COL28A1: variants seen among roughly 807,000 people sequenced by gnomAD.
The protein encoded by COL28A1 is collagen type XXVIII alpha 1 chain.
In COL28A1, 161 loss-of-function variants were observed where a neutral mutation model predicts 150.2. The observed-to-expected ratio is 1.07, with a 90% confidence interval of 0.94 to 1.22. The LOEUF (loss-of-function observed/expected upper bound fraction) is 1.22, where lower values mean the gene tolerates loss of function less well. Among genes scored for constraint, COL28A1 ranks in the 50% most tolerant of loss-of-function variants. COL28A1 has a pLI of 0.00. For synonymous variants in COL28A1, 552 were observed against 469.7 expected, an observed-to-expected ratio of 1.18 and a Z score of -2.26; for missense variants, 1,617 against 1,388.3, an observed-to-expected ratio of 1.16 and a Z score of -2.62.
chr7:7,459,817 A>G (rs188299019), intron 15 of COL28A1, among the ~76,000 whole-genome samples: 2 of 152,264 alleles, frequency 1.3e-5, no homozygotes, highest in African/African-American at 4.8e-5. Context: ...CAAATCATCA[A>G]GATCAAACAA....
intron 15 of COL28A1, among the ~76,000 whole-genome samples, chr7:7,456,781 G>T (rs997973880): frequency 5.9e-5 from 9 of 152,130 alleles, no homozygotes; most frequent in Admixed American, 3.9e-4. Context: ...GTCCTCCATT[G>T]AGCTTAGATT....
At chr7:7,502,461 C>T (rs1780586928) in intron 11 of COL28A1, among the ~76,000 whole-genome samples, 1 of 152,044 alleles carries the variant, frequency 6.6e-6, no homozygotes, top group African/African-American at 2.4e-5. Flanking sequence ...TTTCTGAAAA[C>T]CCTTTAATGA....
At chr7:7,485,579 A>G (rs185683227) in intron 13 of COL28A1, among the ~76,000 whole-genome samples, 127 of 152,298 alleles carry the variant, frequency 8.3e-4, no homozygotes, top group African/African-American at 2.9e-3. Flanking sequence ...TTATTCTAAA[A>G]GTTTTATAGT....
Position 7,443,643 on chromosome 7 carries a change from C to T in COL28A1, c.1592G>A (p.Gly531Glu), listed in dbSNP as rs1203930951. The T allele has an allele frequency of 6.2e-7, 1 of 1,614,008 alleles. No individual in the cohort carries two copies. The highest frequency in any genetic ancestry group is 8.5e-7 in the Non-Finnish European group (1 of 1,179,978). The change falls in exon 20 of 35, where the codon GGG (glycine) becomes GAG (glutamate). Residue 531 changes from glycine (G) to glutamate (E), a missense_variant. By Grantham distance (98) the Gly-to-Glu change is moderately conservative. Transcript: ENST00000399429. ...DGAAGKKGEA[G>E]LPGARGPEGP... ...TTCTGGGCCTCTTGCTCCCGGAAGCCCCGCTTCTCCCTAGAGAAAATGACA... is the reference window on the plus strand; with the variant it reads ...TTCTGGGCCTCTTGCTCCCGGAAGCTCCGCTTCTCCCTAGAGAAAATGACA...
intron 11 of COL28A1, among the ~76,000 whole-genome samples, chr7:7,492,927 G>A (rs1410268903): frequency 6.7e-6 from 1 of 149,250 alleles, no homozygotes; most frequent in Non-Finnish European, 1.5e-5. Flanking sequence ...CATTTTACAT[G>A]TTTTTAGCCA....
At chr7:7,507,712 CTT>C (rs932312295) in intron 9 of COL28A1, among the ~76,000 whole-genome samples, 2 of 146,658 alleles carry the variant, frequency 1.4e-5, no homozygotes, top group Admixed American at 6.8e-5. Context: ...CAGATTTCCA[CTT>C]TTTTTTTTTG....
chr7:7,449,751 A>C (rs1331609439), intron 18 of COL28A1, among the ~76,000 whole-genome samples: 1 of 152,078 alleles, frequency 6.6e-6, no homozygotes, highest in Non-Finnish European at 1.5e-5. Flanking sequence ...ATAGAAAAAA[A>C]ATTCACAATT....
intron 20 of COL28A1, 64 bp from the exon 21 acceptor site, chr7:7,440,925 A>G: frequency 1.2e-6 from 1 of 818,782 alleles, no homozygotes; most frequent in South Asian, 1.4e-5. Flanking sequence ...CTAATCTAGC[A>G]AGGACCATAG....
At chr7:7,436,314 T>C (rs2286839) in intron 23 of COL28A1, 81 bp downstream of exon 23, 1 of 833,720 alleles carries the variant, frequency 1.2e-6, no homozygotes, top group African/African-American at 1.7e-5. Flanking sequence ...ACCTCACAAG[T>C]AGAAAAATCA....
rs757978291 is a variant in COL28A1, at chr7:7,490,683, G to C, written c.1027-37C>G. On this transcript the variant is annotated intron_variant, in intron 11 of 34. Coordinates refer to ENST00000399429, the MANE Select transcript of COL28A1 (RefSeq NM_001037763.3). ...AATAGTGACATCAGTTATATGTTAG[G>C]TCGACTCAATAGTATTGACTAAGCA... 12 of 901,246 alleles carry C rather than the reference G, an allele frequency of 1.3e-5. 1 individual carries two copies. Among genetic ancestry groups the C allele is most frequent in the Admixed American group, 1.8e-5 (1 of 57,090 alleles). 55.8% of individuals were successfully genotyped at this position (901,246 alleles called of 1,614,324 possible). A position where few individuals can be genotyped will look rare whatever the true frequency, so the allele number is the denominator to read the frequency against.
chr7:7,509,423 C>G (rs748566819), intron 9 of COL28A1, among the ~76,000 whole-genome samples: 1 of 152,146 alleles, frequency 6.6e-6, no homozygotes, highest in African/African-American at 2.4e-5. Context: ...CTACTGTATT[C>G]GGATATTTTT....
intron 23 of COL28A1, among the ~76,000 whole-genome samples, chr7:7,434,190 G>A (rs1248061297): frequency 1.3e-5 from 2 of 152,184 alleles, no homozygotes; most frequent in African/African-American, 2.4e-5. Flanking sequence ...GGAAATATGT[G>A]GCCACTTATA....
rs139410979 is a variant in COL28A1 at position 7,436,547 on chromosome 7, C to G, written c.1792-84G>C. On this transcript the variant is annotated intron_variant, in intron 22 of 34. Coordinates refer to ENST00000399429, the MANE Select transcript of COL28A1 (RefSeq NM_001037763.3). ...ATAGCAAAAAAAACCATTGGCCACT[C>G]TGTAAAGAGCTTAATCTGTCCATCT... is the stretch of plus-strand genomic sequence containing the variant. The G allele has an allele frequency of 3.9e-3, 3,201 of 813,416 alleles. 56 individuals are homozygous for G. The highest frequency in any genetic ancestry group is 2.1e-3 in the Non-Finnish European group (963 of 456,646). 50.4% of individuals were successfully genotyped at this position (813,416 alleles called of 1,614,324 possible). A position where few individuals can be genotyped will look rare whatever the true frequency, so the allele number is the denominator to read the frequency against.
At chr7:7,344,417 A>G in the COL28A1 span, among the ~76,000 whole-genome samples, 1 of 151,910 alleles carries the variant, frequency 6.6e-6, no homozygotes, top group Non-Finnish European at 1.5e-5. Flanking sequence ...ATTTTTTAAT[A>G]GTTGGTCTAG....
At chr7:7,477,267 A>G (rs1788973378) in intron 13 of COL28A1, 87 bp from the exon 14 acceptor site, 2 of 772,152 alleles carry the variant, frequency 2.6e-6, no homozygotes, top group African/African-American at 1.7e-5. Flanking sequence ...GAAGAAAGAG[A>G]ATGGTTATAT....
chr7:7,436,288 G>A (rs1785336017), intron 23 of COL28A1, 107 bp downstream of exon 23: 2 of 748,000 alleles, frequency 2.7e-6, no homozygotes, highest in Non-Finnish European at 4.8e-6. Context: ...TTACATTTTA[G>A]TTAATCAATG....
At chr7:7,456,154 A>G (rs1787151939) in intron 15 of COL28A1, 42 bp from the exon 16 acceptor site, 3 of 1,592,712 alleles carry the variant, frequency 1.9e-6, no homozygotes, top group African/African-American at 1.4e-5. Flanking sequence ...ATAAAATAAA[A>G]TCTTATTATT....
intron 23 of COL28A1, among the ~76,000 whole-genome samples, chr7:7,433,228 T>C (rs576751020): frequency 2.4e-4 from 36 of 152,272 alleles, no homozygotes; most frequent in Non-Finnish European, 3.1e-4. Flanking sequence ...TTATTGTCCT[T>C]TAGACAACAG....
chr7:7,351,551 C>T (rs143046361), downstream of COL28A1, among the ~76,000 whole-genome samples: 838 of 152,156 alleles, frequency 5.5e-3, 5 homozygotes, highest in Non-Finnish European at 9.0e-3. Context: ...CTTGGTAATT[C>T]TAAGAGCCCA....
Sources: allele counts gnomAD v4.1 joint callset (sites outside exome capture counted in the v4.1 genomes callset), GRCh38; gene constraint gnomAD v4.1.1; transcripts MANE v1.5; gene names NCBI Gene and HGNC (gene_info 2026-07-23, HGNC 2026-07-21).